Variants in TLE1 observed in about 807,000 individuals in gnomAD.
TLE1 encodes TLE family member 1, transcriptional corepressor.
Under a neutral mutation model 89.8 loss-of-function variants are expected in TLE1, and 21 were observed. That is an observed-to-expected ratio of 0.23 (90% CI 0.17 to 0.34). The LOEUF (loss-of-function observed/expected upper bound fraction) is 0.34, where lower values mean the gene tolerates loss of function less well. TLE1 is among the 10% of genes least tolerant of loss of function. The pLI is 1.00. For synonymous variants in TLE1, 447 were observed against 407.6 expected, an observed-to-expected ratio of 1.10 and a Z score of -1.16; for missense variants, 795 against 1,031.2, an observed-to-expected ratio of 0.77 and a Z score of 3.14.
chr9:81,622,460 G>C (rs552376515), intron 8 of TLE1, among the ~76,000 whole-genome samples: 27 of 152,062 alleles, frequency 1.8e-4, no homozygotes, highest in Non-Finnish European at 2.6e-4. Flanking sequence ...TGTTGTTGTC[G>C]TTTAATGATG....
Position 81,634,307 on chromosome 9 carries a change from G to T in TLE1, c.373-6C>A. ...TGAGCTTGCAACTGCTGCTGCTGTTGGTGGTGGTGGTGAGAGAGAAAAAGG... is the reference window on the plus strand; with the variant it reads ...TGAGCTTGCAACTGCTGCTGCTGTTTGTGGTGGTGGTGAGAGAGAAAAAGG... On this transcript the variant is annotated splice_polypyrimidine_tract_variant and splice_region_variant and intron_variant, in intron 6 of 19. Coordinates refer to ENST00000376499, the MANE Select transcript of TLE1 (RefSeq NM_005077.5). 6.7e-7 allele frequency: 1 copy of T among 1,488,730 alleles called. No individual in the cohort carries two copies. The allele number at this position is 1,488,730 out of a possible 1,614,324, so 92.2% of individuals were successfully genotyped here. A position where few individuals can be genotyped will look rare whatever the true frequency, so the allele number is the denominator to read the frequency against.
intron 9 of TLE1, among the ~76,000 whole-genome samples, chr9:81,617,204 T>C (rs1161404087): frequency 6.6e-6 from 1 of 151,968 alleles, no homozygotes. Context: ...ACCCAATCTT[T>C]TTCTCTTAAG....
chr9:81,616,154 A>G lies in TLE1; in HGVS notation c.766-20T>C. On this transcript the variant is annotated intron_variant, in intron 10 of 19. Coordinates refer to ENST00000376499, the MANE Select transcript of TLE1 (RefSeq NM_005077.5). ...AGGGTCCTCAACAAGCATAATCAAA[A>G]GTTTTCGTGATTTAGCTTGTAACAG... 6.3e-7 allele frequency: 1 copy of G among 1,586,284 alleles called. No individual in the cohort carries two copies. The highest frequency in any genetic ancestry group is 8.5e-7 in the Non-Finnish European group (1 of 1,170,538).
At chr9:81,671,653 A>G (rs953259901) in intron 4 of TLE1, among the ~76,000 whole-genome samples, 1 of 152,186 alleles carries the variant, frequency 6.6e-6, no homozygotes, top group African/African-American at 2.4e-5. Context: ...TCAAAAAAAA[A>G]AAAGAAAAAA....
intron 1 of TLE1, among the ~76,000 whole-genome samples, chr9:81,687,701 AGGG>A (rs932033721): frequency 6.6e-6 from 1 of 151,750 alleles, no homozygotes; most frequent in African/African-American, 2.4e-5. Flanking sequence ...GCCAAAGGGA[AGGG>A]GGCTCCCCGG....
intron 6 of TLE1, among the ~76,000 whole-genome samples, chr9:81,648,929 C>T (rs1829205473): frequency 6.6e-6 from 1 of 152,214 alleles, no homozygotes; most frequent in Admixed American, 6.5e-5. Flanking sequence ...CCTAAGTGAG[C>T]TGTGTGTCAA....
At chr9:81,661,594 C>T (rs969731756) in intron 4 of TLE1, among the ~76,000 whole-genome samples, 16 of 151,992 alleles carry the variant, frequency 1.1e-4, no homozygotes, top group Non-Finnish European at 7.4e-5. Flanking sequence ...TTGAACCAAG[C>T]GGGAAGCCAA....
chr9:81,626,581 C>A (rs890614784), intron 8 of TLE1, among the ~76,000 whole-genome samples: 51 of 152,196 alleles, frequency 3.4e-4, no homozygotes, highest in Admixed American at 3.1e-3. Context: ...GCCTGTGCAG[C>A]CAGTCTGAAG....
chr9:81,687,595 G>GA (rs1834476222), intron 1 of TLE1, among the ~76,000 whole-genome samples, 161 bp from the exon 2 acceptor site: 1 of 152,188 alleles, frequency 6.6e-6, no homozygotes, highest in Non-Finnish European at 1.5e-5. Flanking sequence ...TGGGGAGGGG[G>GA]AAAGCGGACC....
At chr9:81,622,647 C>T (rs750386616) in intron 8 of TLE1, among the ~76,000 whole-genome samples, 3 of 152,290 alleles carry the variant, frequency 2.0e-5, no homozygotes, top group Non-Finnish European at 2.9e-5. Flanking sequence ...TTAAATGAAG[C>T]TTATAATCTG....
intron 1 of TLE1, 139 bp from the exon 2 acceptor site, chr9:81,687,573 T>G: frequency 1.6e-6 from 1 of 632,778 alleles, no homozygotes. Flanking sequence ...AACTCGAGTT[T>G]GCCCTTCACT....
intron 4 of TLE1, among the ~76,000 whole-genome samples, chr9:81,670,237 A>C (rs17295330): frequency 0.082 from 12,544 of 152,282 alleles, 713 homozygotes; most frequent in Non-Finnish European, 0.12. Context: ...AGTATGCGAC[A>C]AACAGTAGAA....
At chr9:81,647,370 G>C (rs1828987498) in intron 6 of TLE1, among the ~76,000 whole-genome samples, 1 of 152,194 alleles carries the variant, frequency 6.6e-6, no homozygotes, top group Non-Finnish European at 1.5e-5. Flanking sequence ...GTCTCCATCT[G>C]TTCCCCAAAC....
At chr9:81,620,977 T>C in intron 8 of TLE1, 1 of 463,658 alleles carries the variant, frequency 2.2e-6, no homozygotes, top group Non-Finnish European at 4.2e-6. Flanking sequence ...TGTGTACCAC[T>C]CTAAAAAGGC....
Position 81,685,829 on chromosome 9 carries a change from C to T in TLE1, c.189+4G>A, listed in dbSNP as rs775673083. The T allele has an allele frequency of 2.4e-5, 38 of 1,613,960 alleles. No individual in the cohort carries two copies. Among genetic ancestry groups the T allele is most frequent in the Non-Finnish European group, 5.9e-6 (7 of 1,179,974 alleles). On this transcript the variant is annotated splice_donor_region_variant and intron_variant, in intron 3 of 19. Coordinates refer to ENST00000376499, the MANE Select transcript of TLE1 (RefSeq NM_005077.5). ...AAGGAAAAAGTCCAATCTTTGATAC[C>T]TACCATCACATAGTGCCTCTGCATT... is the stretch of plus-strand genomic sequence containing the variant.
chr9:81,604,543 G>C (rs1831387469), intron 14 of TLE1, among the ~76,000 whole-genome samples: 1 of 152,188 alleles, frequency 6.6e-6, no homozygotes, highest in South Asian at 2.1e-4. Context: ...GACAGATTCA[G>C]CTCAAGGGCT....
At chr9:81,591,738 G>C (rs1277812505) in intron 15 of TLE1, among the ~76,000 whole-genome samples, 4 of 152,004 alleles carry the variant, frequency 2.6e-5, no homozygotes, top group Non-Finnish European at 5.9e-5. Context: ...CTTCAACAAA[G>C]GATACTCCTA....
At chr9:81,656,891 A>G (rs1471626500) in intron 4 of TLE1, among the ~76,000 whole-genome samples, 2 of 152,348 alleles carry the variant, frequency 1.3e-5, no homozygotes, top group Middle Eastern at 3.4e-3. Flanking sequence ...CTGCTGGGTC[A>G]AAGTGTATGC....
chr9:81,634,325 G>A (rs1472322560), intron 6 of TLE1, 24 bp from the exon 7 acceptor site: 3 of 1,459,318 alleles, frequency 2.1e-6, no homozygotes, highest in Admixed American at 4.7e-5. Context: ...TGGTGAGAGA[G>A]AAAAAGGAGG....
Sources: allele counts gnomAD v4.1 joint callset (sites outside exome capture counted in the v4.1 genomes callset), GRCh38; gene constraint gnomAD v4.1.1; transcripts MANE v1.5; gene names NCBI Gene and HGNC (gene_info 2026-07-23, HGNC 2026-07-21).